The following GRIA4 variants were observed in gnomAD, a reference collection of about 807,000 sequenced individuals.
The protein encoded by GRIA4 is glutamate receptor 4.
A neutral mutation model predicts 104.0 loss-of-function variants in GRIA4; 34 were observed. That is an observed-to-expected ratio of 0.33 (90% CI 0.25 to 0.44). GRIA4 has a LOEUF of 0.44. Among genes scored for constraint, GRIA4 ranks in the 20% least tolerant of loss-of-function variants. The pLI, the probability that GRIA4 is intolerant of heterozygous loss-of-function variation, is 1.00. For synonymous variants in GRIA4, 386 were observed against 381.9 expected, an observed-to-expected ratio of 1.01 and a Z score of -0.13; for missense variants, 750 against 1,096.5, an observed-to-expected ratio of 0.68 and a Z score of 4.46.
chr11:105,903,377 C>G (rs993980809), intron 7 of GRIA4, among the ~76,000 whole-genome samples: 54 of 152,108 alleles, frequency 3.6e-4, no homozygotes, highest in Admixed American at 3.4e-3. Context: ...TCTCAGGGAA[C>G]CTTGCTAGGC....
At chr11:105,711,568 CT>C (rs1035485878) in intron 3 of GRIA4, among the ~76,000 whole-genome samples, 3 of 152,032 alleles carry the variant, frequency 2.0e-5, no homozygotes, top group African/African-American at 7.2e-5. Flanking sequence ...GCGAAATAAC[CT>C]GTAAATGAAC....
intron 14 of GRIA4, among the ~76,000 whole-genome samples, chr11:105,951,874 A>T (rs1274439159): frequency 1.3e-5 from 2 of 152,106 alleles, no homozygotes; most frequent in African/African-American, 2.4e-5. Context: ...AGGTGGGAGG[A>T]TCACCTGAGC....
chr11:105,712,364 TAGTG>T (rs1953941121), intron 3 of GRIA4, among the ~76,000 whole-genome samples: 2 of 151,988 alleles, frequency 1.3e-5, no homozygotes, highest in African/African-American at 4.8e-5. Flanking sequence ...ATTAGTCAGA[TAGTG>T]AGGATAAACT....
chr11:105,868,427 C>T (rs1945504817), intron 5 of GRIA4, among the ~76,000 whole-genome samples: 2 of 152,132 alleles, frequency 1.3e-5, no homozygotes, highest in Admixed American at 1.3e-4. Flanking sequence ...GAAATCTTAT[C>T]TCCATCAGGG....
chr11:105,681,014 T>C (rs1013690536), intron 3 of GRIA4, among the ~76,000 whole-genome samples: 9 of 152,152 alleles, frequency 5.9e-5, no homozygotes, highest in Non-Finnish European at 1.3e-4. Context: ...GTTTGTAAAG[T>C]CTTAGAATCC....
At chr11:105,813,093 C>CAA (rs58984237) in intron 4 of GRIA4, among the ~76,000 whole-genome samples, 4,026 of 79,460 alleles carry the variant, frequency 0.051, 288 homozygotes, top group African/African-American at 0.16. Context: ...GACTCCATCT[C>CAA]AAAAAAAAAA....
At chr11:105,893,898 T>C (rs967739221) in intron 6 of GRIA4, among the ~76,000 whole-genome samples, 1 of 152,208 alleles carries the variant, frequency 6.6e-6, no homozygotes. Context: ...TGGAGATTGA[T>C]GGACAGTGTT....
At chr11:105,611,171 C>A in intron 2 of GRIA4, 86 bp downstream of exon 2, 1 of 923,250 alleles carries the variant, frequency 1.1e-6, no homozygotes, top group South Asian at 1.3e-5. Context: ...ATAAGCAATT[C>A]AGGGAAACCT....
At chr11:105,769,433 G>A (rs1941110881) in intron 4 of GRIA4, among the ~76,000 whole-genome samples, 1 of 152,070 alleles carries the variant, frequency 6.6e-6, no homozygotes, top group African/African-American at 2.4e-5. Flanking sequence ...GTGTACCCAT[G>A]AGTATGATAT....
intron 5 of GRIA4, among the ~76,000 whole-genome samples, chr11:105,871,092 C>A (rs1453013314): frequency 6.6e-6 from 1 of 152,050 alleles, no homozygotes; most frequent in Non-Finnish European, 1.5e-5. Flanking sequence ...AGGAAAACCC[C>A]TGCACATTGC....
rs57222107 is a variant in GRIA4 at position 105,981,591 on chromosome 11, A to ACACACACACAC, written c.*1852_*1853insCACACACACAC. The ACACACACACAC allele has an allele frequency of 1.5e-4, 23 of 151,750 alleles. No individual in the cohort carries two copies. Among genetic ancestry groups the ACACACACACAC allele is most frequent in the South Asian group, 2.1e-4 (1 of 4,824 alleles). The allele number at this position is 151,750 out of a possible 1,614,324, so 9.4% of individuals were successfully genotyped here. A position where few individuals can be genotyped will look rare whatever the true frequency, so the allele number is the denominator to read the frequency against. ...CACACACACACACACACACACACAC[A>ACACACACACAC]AGTCCCTCAGGAAAAATTCCAAGCT... On this transcript the variant is annotated 3_prime_UTR_variant, in exon 17 of 17. Transcript: ENST00000282499.
intron 14 of GRIA4, among the ~76,000 whole-genome samples, chr11:105,967,800 A>G (rs1858467151): frequency 6.6e-6 from 1 of 152,004 alleles, no homozygotes; most frequent in Non-Finnish European, 1.5e-5. Flanking sequence ...CCTACTCTGC[A>G]TTTGTCATAC....
chr11:105,800,828 A>C (rs1948627881), intron 4 of GRIA4, among the ~76,000 whole-genome samples: 1 of 152,022 alleles, frequency 6.6e-6, no homozygotes, highest in Non-Finnish European at 1.5e-5. Flanking sequence ...ATATAAATAA[A>C]TAAATTAACA....
chr11:105,972,328 GTT>G (rs1206062968), intron 15 of GRIA4, among the ~76,000 whole-genome samples: 2 of 152,050 alleles, frequency 1.3e-5, no homozygotes, highest in African/African-American at 4.8e-5. Context: ...TTTTGGGGTA[GTT>G]TTTTTGTTTG....
intron 4 of GRIA4, among the ~76,000 whole-genome samples, chr11:105,834,382 C>G (rs1944097753): frequency 6.6e-6 from 1 of 152,000 alleles, no homozygotes; most frequent in Admixed American, 6.6e-5. Flanking sequence ...TATTGCATGC[C>G]ACTCATACAT....
At chr11:105,810,517 C>T (rs1036834206) in intron 4 of GRIA4, among the ~76,000 whole-genome samples, 5 of 152,070 alleles carry the variant, frequency 3.3e-5, no homozygotes, top group African/African-American at 1.2e-4. Context: ...AAAAGCCACC[C>T]TATTAGGTCC....
intron 3 of GRIA4, among the ~76,000 whole-genome samples, chr11:105,712,764 A>G (rs1242539587): frequency 6.6e-6 from 1 of 152,010 alleles, no homozygotes; most frequent in Non-Finnish European, 1.5e-5. Flanking sequence ...CCATAAATAA[A>G]TCATTGCAGC....
chr11:105,634,750 A>G (rs1951160145), intron 3 of GRIA4, among the ~76,000 whole-genome samples: 1 of 152,192 alleles, frequency 6.6e-6, no homozygotes, highest in Non-Finnish European at 1.5e-5. Context: ...TCAGATTCTA[A>G]CAGTCCCCAA....
chr11:105,866,944 AT>A (rs1945441723), intron 5 of GRIA4, among the ~76,000 whole-genome samples: 1 of 152,150 alleles, frequency 6.6e-6, no homozygotes, highest in Non-Finnish European at 1.5e-5. Context: ...TGAAGTAGGT[AT>A]TTAACAAAAG....
Sources: allele counts gnomAD v4.1 joint callset (sites outside exome capture counted in the v4.1 genomes callset), GRCh38; gene constraint gnomAD v4.1.1; transcripts MANE v1.5; gene names NCBI Gene and HGNC (gene_info 2026-07-23, HGNC 2026-07-21).